Variants in SCAF8 observed in about 807,000 individuals in gnomAD.
The protein encoded by SCAF8 is SR-related and CTD-associated factor 8.
A neutral mutation model predicts 140.5 loss-of-function variants in SCAF8; 23 were observed. The observed-to-expected ratio is 0.16, with a 90% CI of 0.12 to 0.23. The LOEUF (loss-of-function observed/expected upper bound fraction) is 0.23, where lower values mean the gene tolerates loss of function less well. Ranked by LOEUF, SCAF8 falls within the 10% of genes least tolerant of loss-of-function variation. SCAF8 has a pLI of 1.00. For synonymous variants in SCAF8, 575 were observed against 528.9 expected (o/e 1.09, Z -1.20); for missense variants, 1,397 against 1,555.7 (o/e 0.90, Z 1.72).
intron 1 of SCAF8, among the ~76,000 whole-genome samples, chr6:154,749,795 A>C (rs952678769): frequency 6.6e-6 from 1 of 152,196 alleles, no homozygotes; most frequent in Non-Finnish European, 1.5e-5. Context: ...AAGGGCTTTA[A>C]ATGAAAGCAC....
chr6:154,745,784 T>C (rs1250994504), intron 1 of SCAF8, among the ~76,000 whole-genome samples: 2 of 152,192 alleles, frequency 1.3e-5, no homozygotes, highest in Non-Finnish European at 2.9e-5. Context: ...TTTCGGAGTC[T>C]ATCATTTTTG....
intron 1 of SCAF8, among the ~76,000 whole-genome samples, chr6:154,739,654 C>T (rs11961523): frequency 0.012 from 1,882 of 152,102 alleles, 35 homozygotes; most frequent in African/African-American, 0.043. Context: ...TATTTTTTGT[C>T]TTTGGGATCC....
Position 154,733,435 on chromosome 6 carries a change from CTGCTGCCAGCGCT to C in SCAF8, c.-464_-452del. ...TCCGCCATATTGGATGCCGCAGCCG[CTGCTGCCAGCGCT>C]TCCTCCTCTGTCTTCGCCGAGCGGG... is the stretch of plus-strand genomic sequence containing the variant. On this transcript the variant is annotated 5_prime_UTR_variant, in exon 1 of 20. It introduces an in-frame stop codon into an upstream open reading frame of the 5' UTR. Coordinates refer to ENST00000367178, the MANE Select transcript of SCAF8 (RefSeq NM_014892.5). 1 of 1,399,174 alleles carries C rather than the reference CTGCTGCCAGCGCT, an allele frequency of 7.1e-7. No individual in the cohort carries two copies. The highest frequency in any genetic ancestry group is 9.3e-7 in the Non-Finnish European group (1 of 1,076,262). The allele number at this position is 1,399,174 out of a possible 1,614,324, so 86.7% of individuals were successfully genotyped here. A position where few individuals can be genotyped will look rare whatever the true frequency, so the allele number is the denominator to read the frequency against.
chr6:154,819,609 T>C (rs563086741), intron 14 of SCAF8, among the ~76,000 whole-genome samples: 43 of 150,590 alleles, frequency 2.9e-4, no homozygotes, highest in Non-Finnish European at 3.5e-4. Context: ...AAGAAAATGC[T>C]ATTCTAATCA....
rs1777978919 is a variant in SCAF8 at position 154,808,212 on chromosome 6, A to T, written c.1113+11A>T. Reference sequence around the variant, plus strand: ...GATATTCAGCAACAGGTAAAAGTAAATGTTTTTCTGGGTCATAAATTTCTA... The same window carrying T: ...GATATTCAGCAACAGGTAAAAGTAATTGTTTTTCTGGGTCATAAATTTCTA... On this transcript the variant is annotated intron_variant, in intron 10 of 19. Transcript: ENST00000367178. 3.1e-6 allele frequency: 5 copies of T among 1,611,062 alleles called. No homozygotes were observed. The African/African-American group carries it at 5.3e-5, about 17-fold the overall frequency.
intron 12 of SCAF8, among the ~76,000 whole-genome samples, chr6:154,812,858 T>G (rs1778137112): frequency 6.6e-6 from 1 of 151,934 alleles, no homozygotes; most frequent in Non-Finnish European, 1.5e-5. Context: ...AGAACAGAGT[T>G]CAGGGAGATT....
chr6:154,789,909 T>C (rs1777364689), intron 4 of SCAF8, among the ~76,000 whole-genome samples: 1 of 152,226 alleles, frequency 6.6e-6, no homozygotes, highest in Admixed American at 6.5e-5. Context: ...AGACTACCAC[T>C]TGAAGTAATG....
chr6:154,827,213 C>A lies in SCAF8; in HGVS notation c.2113C>A (p.Pro705Thr). The change falls in exon 18 of 20, where the codon CCT becomes ACT. Residue 705 changes from proline to threonine, a missense_variant. By Grantham distance (38) the Pro-to-Thr change is conservative. This residue lies in a region of SCAF8 where 930 missense variants were observed against 874.6 expected (regional missense o/e 1.06). Transcript: ENST00000367178. ...PPVPPPVVPP[P>T]TIPPVVPTSL... ...AGTTCCCCCACCTGTTGTGCCACCC[C>A]CTACGATTCCACCAGTAGTACCAAC... 12 of 1,604,970 alleles carry A rather than the reference C, an allele frequency of 7.5e-6. No homozygotes were observed. The highest frequency in any genetic ancestry group is 1.0e-5 in the Non-Finnish European group (12 of 1,176,140).
chr6:154,755,374 C>T (rs1562428727), intron 1 of SCAF8, among the ~76,000 whole-genome samples: 3 of 152,110 alleles, frequency 2.0e-5, no homozygotes, highest in South Asian at 4.1e-4. Flanking sequence ...GTGTCTCAGC[C>T]TCCCGAGTAG....
intron 8 of SCAF8, among the ~76,000 whole-genome samples, chr6:154,804,172 C>T (rs565878849): frequency 7.2e-4 from 109 of 151,774 alleles, no homozygotes; most frequent in Non-Finnish European, 1.0e-3. Flanking sequence ...TTGGAGGAGG[C>T]AGGGGTAGAA....
chr6:154,780,984 C>T (rs1777067550), intron 3 of SCAF8, among the ~76,000 whole-genome samples: 1 of 152,098 alleles, frequency 6.6e-6, no homozygotes, highest in African/African-American at 2.4e-5. Flanking sequence ...TTTACATTCC[C>T]ACCAAGAGTA....
intron 1 of SCAF8, among the ~76,000 whole-genome samples, chr6:154,773,040 A>G (rs1776816882): frequency 6.6e-6 from 1 of 152,336 alleles, no homozygotes; most frequent in African/African-American, 2.4e-5. Context: ...AATTACAGGC[A>G]TGAGCCACCT....
chr6:154,741,678 A>C (rs1235756902), intron 1 of SCAF8, among the ~76,000 whole-genome samples: 1 of 152,120 alleles, frequency 6.6e-6, no homozygotes, highest in Non-Finnish European at 1.5e-5. Context: ...AAGTGCTGGG[A>C]TTACAGGTGT....
intron 13 of SCAF8, among the ~76,000 whole-genome samples, chr6:154,817,344 A>G (rs1778283569): frequency 6.6e-6 from 1 of 152,188 alleles, no homozygotes; most frequent in Non-Finnish European, 1.5e-5. Flanking sequence ...TCTTTCTTGT[A>G]TCACGGTCCC....
intron 12 of SCAF8, among the ~76,000 whole-genome samples, chr6:154,811,395 GTTTTTT>G (rs578123121): frequency 7.0e-6 from 1 of 143,314 alleles, no homozygotes; most frequent in Non-Finnish European, 1.5e-5. Context: ...TGTTTACACA[GTTTTTT>G]TTTTTTTAAC....
At position 154,832,900 on chromosome 6, in the gene SCAF8, A is replaced by C. The variant is rs770200440; in HGVS notation, c.3321A>C (p.Leu1107=). The change falls in exon 20 of 20, where the codon CTA becomes CTC. Residue 1107 remains leucine, a synonymous_variant. Transcript: ENST00000367178. The stretch of plus-strand genomic sequence containing the variant: ...TTGATGAGAGAGAGCATCGGGTTCT[A>C]CCGGTCTATGGTGGTCCAAAAGGCT... ...GDFDEREHRV[L]PVYGGPKGLH... is the part of the protein sequence containing the mutation. 6.2e-7 allele frequency: 1 copy of C among 1,614,070 alleles called. No individual in the cohort carries two copies. The highest frequency in any genetic ancestry group is 8.5e-7 in the Non-Finnish European group (1 of 1,179,980).
At chr6:154,813,870 G>T (rs140624925) in intron 12 of SCAF8, among the ~76,000 whole-genome samples, 81 of 152,310 alleles carry the variant, frequency 5.3e-4, no homozygotes, top group African/African-American at 1.9e-3. Context: ...ACGGGACCAT[G>T]AGCCAAGGAA....
chr6:154,806,585 T>C (rs1453959885), intron 9 of SCAF8, among the ~76,000 whole-genome samples: 1 of 152,180 alleles, frequency 6.6e-6, no homozygotes, highest in Admixed American at 6.5e-5. Context: ...GAGGTACAGC[T>C]GAAGGATTCT....
chr6:154,735,327 T>G (rs1329652207), intron 1 of SCAF8, among the ~76,000 whole-genome samples: 1 of 152,174 alleles, frequency 6.6e-6, no homozygotes, highest in Non-Finnish European at 1.5e-5. Flanking sequence ...TGCATAGTTT[T>G]ATCTTGTTTT....
Sources: allele counts gnomAD v4.1 joint callset (sites outside exome capture counted in the v4.1 genomes callset), GRCh38; gene constraint gnomAD v4.1.1; regional missense constraint gnomAD v4.1.1; transcripts MANE v1.5; gene names NCBI Gene and HGNC (gene_info 2026-07-23, HGNC 2026-07-21).